The following AKAP19 variants were observed in gnomAD, a reference collection of about 807,000 sequenced individuals.
AKAP19 encodes the protein small A-kinase anchoring protein.
At chr2:190,004,599 A>G in the AKAP19 span, among the ~76,000 whole-genome samples, 1 of 147,684 alleles carries the variant, frequency 6.8e-6, no homozygotes, top group East Asian at 2.0e-4. Flanking sequence ...TTTTTTTGAG[A>G]GCAACATGTT....
At chr2:190,104,489 A>G in the AKAP19 span, among the ~76,000 whole-genome samples, 1 of 152,310 alleles carries the variant, frequency 6.6e-6, no homozygotes, top group East Asian at 1.9e-4. Flanking sequence ...TAGTTCAATA[A>G]GCAAAAAACA....
the AKAP19 span, among the ~76,000 whole-genome samples, chr2:189,887,415 G>A: frequency 6.6e-6 from 1 of 152,124 alleles, no homozygotes; most frequent in Non-Finnish European, 1.5e-5. Flanking sequence ...CTTTGCTATT[G>A]TTGACAGTGC....
chr2:190,033,682 A>T, the AKAP19 span, among the ~76,000 whole-genome samples: 356 of 152,320 alleles, frequency 2.3e-3, 9 homozygotes, highest in Non-Finnish European at 4.6e-4. Context: ...CTGCTTTTGT[A>T]TAATTATACT....
the AKAP19 span, among the ~76,000 whole-genome samples, chr2:190,189,448 T>G: frequency 1.2e-4 from 19 of 152,260 alleles, no homozygotes; most frequent in African/African-American, 4.1e-4. Context: ...GAAGAGATGA[T>G]AAACATAACA....
At chr2:189,947,156 A>C in the AKAP19 span, among the ~76,000 whole-genome samples, 1 of 152,240 alleles carries the variant, frequency 6.6e-6, no homozygotes, top group African/African-American at 2.4e-5. Flanking sequence ...AAAAGTTAGC[A>C]AATTTAACAG....
chr2:189,995,345 G>T, the AKAP19 span, among the ~76,000 whole-genome samples: 1 of 152,140 alleles, frequency 6.6e-6, no homozygotes, highest in Non-Finnish European at 1.5e-5. Context: ...CCGTTAGACT[G>T]ATCCTTTCAT....
At chr2:189,990,366 T>A in the AKAP19 span, among the ~76,000 whole-genome samples, 1 of 152,194 alleles carries the variant, frequency 6.6e-6, no homozygotes, top group African/African-American at 2.4e-5. Context: ...AGGATGTTTA[T>A]GATACATCTA....
chr2:190,040,303 G>T, the AKAP19 span, among the ~76,000 whole-genome samples: 1 of 152,110 alleles, frequency 6.6e-6, no homozygotes, highest in Admixed American at 6.6e-5. Context: ...ATGCTTGTGG[G>T]CTGCATATAT....
chr2:189,880,411 A>G, the AKAP19 span, among the ~76,000 whole-genome samples: 11 of 152,210 alleles, frequency 7.2e-5, no homozygotes, highest in Non-Finnish European at 1.2e-4. Flanking sequence ...AATTAAGGAC[A>G]TACCCGGGAG....
chr2:190,145,472 A>G, the AKAP19 span, among the ~76,000 whole-genome samples: 1 of 152,244 alleles, frequency 6.6e-6, no homozygotes, highest in Non-Finnish European at 1.5e-5. Context: ...TCTATATAAT[A>G]TACAGTCATG....
chr2:190,146,884 T>A, the AKAP19 span, among the ~76,000 whole-genome samples: 4 of 152,230 alleles, frequency 2.6e-5, no homozygotes, highest in African/African-American at 9.6e-5. Context: ...GAGTTTATTA[T>A]AGATTCTGAA....
the AKAP19 span, chr2:190,057,766 G>T: frequency 3.2e-6 from 3 of 950,908 alleles, no homozygotes; most frequent in Admixed American, 2.1e-5. Flanking sequence ...TTTTTAAAAG[G>T]CACAGCATTA....
At chr2:190,167,652 T>C in the AKAP19 span, among the ~76,000 whole-genome samples, 5 of 152,282 alleles carry the variant, frequency 3.3e-5, no homozygotes, top group African/African-American at 1.2e-4. Flanking sequence ...ATTGGAGAAA[T>C]TGGCTGAAAC....
the AKAP19 span, among the ~76,000 whole-genome samples, chr2:190,005,168 A>C: frequency 2.0e-5 from 3 of 152,222 alleles, no homozygotes; most frequent in Admixed American, 6.5e-5. Context: ...AAGAGTCAGC[A>C]GCAGCAAGAT....
the AKAP19 span, among the ~76,000 whole-genome samples, chr2:190,178,785 T>G: frequency 6.6e-6 from 1 of 152,202 alleles, no homozygotes; most frequent in Non-Finnish European, 1.5e-5. The surrounding 1 kb of genome is among the most constrained non-coding windows in gnomAD (Gnocchi z 6.3). Flanking sequence ...GGCCAGAGAC[T>G]CTCACCCACT....
the AKAP19 span, among the ~76,000 whole-genome samples, chr2:190,024,352 A>G: frequency 1.3e-5 from 2 of 149,212 alleles, no homozygotes; most frequent in Non-Finnish European, 3.0e-5. Flanking sequence ...GTGTGTGTGT[A>G]TATCTATACA....
the AKAP19 span, among the ~76,000 whole-genome samples, chr2:190,004,727 C>T: frequency 6.6e-6 from 1 of 152,100 alleles, no homozygotes; most frequent in Non-Finnish European, 1.5e-5. Context: ...TCATAACTAG[C>T]AGACACATCA....
At chr2:190,138,205 T>C in the AKAP19 span, among the ~76,000 whole-genome samples, 1 of 152,196 alleles carries the variant, frequency 6.6e-6, no homozygotes, top group Non-Finnish European at 1.5e-5. Flanking sequence ...TCACTACTGA[T>C]CATGATTTAT....
At chr2:190,152,646 G>A in the AKAP19 span, among the ~76,000 whole-genome samples, 1 of 151,904 alleles carries the variant, frequency 6.6e-6, no homozygotes, top group Non-Finnish European at 1.5e-5. Context: ...TTTTATAATT[G>A]GTTTGTCTAG....
Sources: gnomAD v4.1 joint callset for allele counts (sites outside exome capture counted in the v4.1 genomes callset) on GRCh38, gnomAD v4.1.1 for gene constraint, Gnocchi (gnomAD v3.1) non-coding constraint, MANE v1.5 for transcripts, NCBI Gene and HGNC (gene_info 2026-07-23, HGNC 2026-07-21) for gene names.